TMA7: variants seen among roughly 807,000 people sequenced by gnomAD.
TMA7 encodes the protein translation machinery associated 7 homolog.
TMA7 carries 5 observed loss-of-function variants against 12.5 expected under a neutral mutation model. The observed-to-expected ratio is 0.40, with a 90% confidence interval of 0.21 to 0.84. The LOEUF (loss-of-function observed/expected upper bound fraction) is 0.84, where lower values mean the gene tolerates loss of function less well. Among genes scored for constraint, TMA7 ranks in the 40% least tolerant of loss-of-function variants. The pLI, the probability that TMA7 is intolerant of heterozygous loss-of-function variation, is 0.36. For synonymous variants in TMA7, 36 were observed against 28.1 expected, an observed-to-expected ratio of 1.28 and a Z score of -0.89; for missense variants, 71 against 75.4, an observed-to-expected ratio of 0.94 and a Z score of 0.22.
rs552118372 is a variant in TMA7 at position 48,440,741 on chromosome 3, G to A, written c.160+113G>A. ...CCTGAACTGCGAGGTCTCGTTTTCC[G>A]ACGTCCGCTGCAGCGAATGGTCTCT... On this transcript the variant is annotated intron_variant, in intron 3 of 3. Coordinates refer to ENST00000438607, the MANE Select transcript of TMA7 (RefSeq NM_015933.6). 76 of 929,372 alleles carry A rather than the reference G, an allele frequency of 8.2e-5. No homozygotes were observed. In the African/African-American group the frequency reaches 1.1e-3, roughly 13 times the overall value. The allele number at this position is 929,372 out of a possible 1,614,324, so 57.6% of individuals were successfully genotyped here.
intron 3 of TMA7, among the ~76,000 whole-genome samples, chr3:48,441,869 C>G (rs1226777920): frequency 1.3e-5 from 2 of 152,152 alleles, no homozygotes; most frequent in Non-Finnish European, 2.9e-5. Flanking sequence ...GACCTCTCTC[C>G]CAGTGGGTTT....
rs572507761 is a variant in TMA7 at position 48,443,948 on chromosome 3, C to T, written c.*66C>T. 8.4e-7 allele frequency: 1 copy of T among 1,191,092 alleles called. No individual in the cohort carries two copies. Among genetic ancestry groups the T allele is most frequent in the South Asian group, 2.2e-5 (1 of 46,376 alleles). The allele number at this position is 1,191,092 out of a possible 1,614,324, so 73.8% of individuals were successfully genotyped here. ...ATCTGTATTTAAACCTCTCTATTCCCTGCCATAACATCTTTTGCCACGTAT... is the reference window on the plus strand; with the variant it reads ...ATCTGTATTTAAACCTCTCTATTCCTTGCCATAACATCTTTTGCCACGTAT... On this transcript the variant is annotated 3_prime_UTR_variant, in exon 4 of 4. Transcript: ENST00000438607.
intron 3 of TMA7, 66 bp downstream of exon 3, chr3:48,440,694 C>G (rs561810707): frequency 2.8e-6 from 4 of 1,442,056 alleles, no homozygotes; most frequent in Admixed American, 3.9e-5. Flanking sequence ...GATGAGGGCG[C>G]GGGCATGTCT....
chr3:48,441,123 C>T (rs2039552843), intron 3 of TMA7: 1 of 155,254 alleles, frequency 6.4e-6, no homozygotes, highest in African/African-American at 2.4e-5. Flanking sequence ...TCAAGCAATT[C>T]TCCTGCCTCA....
intron 3 of TMA7, chr3:48,441,010 T>TTTTTGTTTTGTTTTG (rs747987196): frequency 0.013 from 3,458 of 270,164 alleles, 119 homozygotes; most frequent in African/African-American, 0.072. Context: ...CTTAGAAGTT[T>TTTTTGTTTTGTTTTG]TTTTGTTTTG....
chr3:48,442,947 A>G (rs529279975), intron 3 of TMA7, among the ~76,000 whole-genome samples: 20 of 151,480 alleles, frequency 1.3e-4, no homozygotes, highest in Non-Finnish European at 2.7e-4. Context: ...TAACAATAAG[A>G]CTTCTTTTTT....
At chr3:48,442,592 C>T (rs1245434418) in intron 3 of TMA7, among the ~76,000 whole-genome samples, 4 of 151,760 alleles carry the variant, frequency 2.6e-5, no homozygotes, top group Non-Finnish European at 2.9e-5. Flanking sequence ...GCTGGGATTA[C>T]AGGCGCACAC....
chr3:48,443,815 T>A (rs760621563), intron 3 of TMA7, 33 bp from the exon 4 acceptor site: 2 of 1,541,678 alleles, frequency 1.3e-6, no homozygotes, highest in East Asian at 2.4e-5. Flanking sequence ...AGAACTATAT[T>A]TTTCCCTAAT....
intron 3 of TMA7, among the ~76,000 whole-genome samples, chr3:48,441,487 T>TG: frequency 7.0e-6 from 1 of 142,128 alleles, no homozygotes; most frequent in South Asian, 2.1e-4. Flanking sequence ...CTGGCCAACT[T>TG]TTTTTTTTTT....
chr3:48,440,474 G>A lies in TMA7; in HGVS notation c.72+16G>A. 6.2e-7 allele frequency: 1 copy of A among 1,611,536 alleles called. No individual in the cohort carries two copies. The highest frequency in any genetic ancestry group is 8.5e-7 in the Non-Finnish European group (1 of 1,179,418). On this transcript the variant is annotated intron_variant, in intron 2 of 3. Transcript: ENST00000438607. ...GATGGACGAGGTGAGGGCGGGCGCG[G>A]AGGCACTGGCGGGTGCGGGGGCGCT...
At chr3:48,442,521 AG>A (rs1387628545) in intron 3 of TMA7, among the ~76,000 whole-genome samples, 7 of 146,014 alleles carry the variant, frequency 4.8e-5, no homozygotes, top group African/African-American at 7.7e-5. Flanking sequence ...GCATGATCTC[AG>A]CTCACTGCAG....
intron 3 of TMA7, chr3:48,441,008 T>C (rs1380781962): frequency 3.7e-6 from 1 of 269,514 alleles, no homozygotes; most frequent in East Asian, 9.1e-5. Context: ...GACTTAGAAG[T>C]TTTTTTGTTT....
chr3:48,441,323 C>T (rs974563677), intron 3 of TMA7, among the ~76,000 whole-genome samples: 3 of 152,004 alleles, frequency 2.0e-5, no homozygotes, highest in African/African-American at 7.3e-5. Flanking sequence ...GGATTGCAGG[C>T]GTGAGCCACC....
At chr3:48,440,958 A>C (rs911828401) in intron 3 of TMA7, 1 of 426,720 alleles carries the variant, frequency 2.3e-6, no homozygotes, top group Non-Finnish European at 4.2e-6. Flanking sequence ...TTTTGCCCCA[A>C]ATTCGTATTT....
chr3:48,442,998 G>C (rs561667139), intron 3 of TMA7, among the ~76,000 whole-genome samples: 184 of 152,016 alleles, frequency 1.2e-3, no homozygotes, highest in African/African-American at 4.2e-3. Context: ...CCAGCACTTT[G>C]GGAGGCTGAG....
chr3:48,441,942 T>C (rs2039578980), intron 3 of TMA7, among the ~76,000 whole-genome samples: 1 of 152,170 alleles, frequency 6.6e-6, no homozygotes, highest in Admixed American at 6.5e-5. Context: ...CTTTTCAGAA[T>C]GGTGTAAGGG....
At chr3:48,443,660 G>GTAC (rs537933868) in intron 3 of TMA7, among the ~76,000 whole-genome samples, 188 bp from the exon 4 acceptor site, 1 of 151,218 alleles carries the variant, frequency 6.6e-6, no homozygotes, top group Non-Finnish European at 1.5e-5. Flanking sequence ...GCCACTGCTT[G>GTAC]TACTCCATCT....
chr3:48,440,305 C>T lies in TMA7; in HGVS notation c.9C>T (p.Gly3=), dbSNP rs1058384. MS[G]REGGKKKPLK... ...AAGCGGCGGCAGGCGCCATGTCCGG[C>T]CGCGAAGGTAAGTGTTCCGGAACCG... is the stretch of plus-strand genomic sequence containing the variant. The change falls in exon 1 of 4, where the codon GGC becomes GGT. Residue 3 remains glycine (G), a synonymous_variant. Coordinates refer to ENST00000438607, the MANE Select transcript of TMA7 (RefSeq NM_015933.6). The T allele has an allele frequency of 2.7e-5, 43 of 1,607,274 alleles. No individual in the cohort carries two copies. Among genetic ancestry groups the T allele is most frequent in the Middle Eastern group, 3.3e-4 (2 of 6,042 alleles).
intron 3 of TMA7, among the ~76,000 whole-genome samples, chr3:48,442,716 C>A (rs542499926): frequency 6.6e-6 from 1 of 152,094 alleles, no homozygotes; most frequent in East Asian, 1.9e-4. Flanking sequence ...TCCCAAAGTG[C>A]TGGGATTACA....
Sources: gnomAD v4.1 joint callset for allele counts (sites outside exome capture counted in the v4.1 genomes callset) on GRCh38, gnomAD v4.1.1 for gene constraint, MANE v1.5 for transcripts, NCBI Gene and HGNC (gene_info 2026-07-23, HGNC 2026-07-21) for gene names.